Variants in SDR39U1 observed in about 807,000 individuals in gnomAD.
SDR39U1 encodes epimerase family protein SDR39U1.
SDR39U1 carries 29 observed loss-of-function variants against 31.7 expected under a neutral mutation model. The observed-to-expected ratio is 0.92, with a 90% confidence interval of 0.68 to 1.25. The LOEUF (loss-of-function observed/expected upper bound fraction) is 1.25, where lower values mean the gene tolerates loss of function less well. Among genes scored for constraint, SDR39U1 ranks in the 50% most tolerant of loss-of-function variants. The pLI is 0.00. For missense variants in SDR39U1, 403 were observed against 378.4 expected (o/e 1.06, Z -0.54); for synonymous variants, 147 against 159.0 (o/e 0.92, Z 0.57).
Position 24,440,941 on chromosome 14 carries a change from C to CA in SDR39U1, c.329-16dup. ...CTGGTAGTAAGCTGCCGGTGGAACA[C>CA]AATCATTTGCCCTGGGTGTCCTTGG... On this transcript the variant is annotated splice_polypyrimidine_tract_variant and intron_variant, in intron 4 of 5. Transcript: ENST00000399395. 2 of 1,613,962 alleles carry CA rather than the reference C, an allele frequency of 1.2e-6. No homozygotes were observed. Among genetic ancestry groups the CA allele is most frequent in the South Asian group, 1.1e-5 (1 of 91,072 alleles).
intron 4 of SDR39U1, chr14:24,441,417 A>G (rs2043335650): frequency 2.0e-6 from 1 of 499,688 alleles, no homozygotes. Context: ...CTAAAGAACT[A>G]TGGTGTGAGA....
chr14:24,440,972 C>A (rs761623076), intron 4 of SDR39U1, 46 bp from the exon 5 acceptor site: 7 of 1,611,890 alleles, frequency 4.3e-6, no homozygotes, highest in Admixed American at 3.3e-5. Flanking sequence ...CTTGGTCCTG[C>A]CTGGCTCTCT....
At chr14:24,442,133 C>T (rs1432266128) in intron 3 of SDR39U1, 45 bp downstream of exon 3, 3 of 1,587,792 alleles carry the variant, frequency 1.9e-6, no homozygotes, top group African/African-American at 2.7e-5. Context: ...GGGGCACTGT[C>T]CTCCCTGTGC....
chr14:24,441,021 T>G (rs1332059587), intron 4 of SDR39U1, 95 bp from the exon 5 acceptor site: 1 of 1,330,352 alleles, frequency 7.5e-7, no homozygotes, highest in Admixed American at 1.9e-5. Context: ...TCTCTGGCCC[T>G]TAGGATCTCC....
chr14:24,440,153 C>T lies in SDR39U1; in HGVS notation c.812G>A (p.Arg271Gln), dbSNP rs557782219. Residue 271 changes from arginine to glutamine, a missense_variant, in exon 6 of 6, where the codon CGA becomes CAA. Physicochemically the swap from Arg to Gln is conservative, Grantham distance 43 (BLOSUM62 1). Transcript: ENST00000399395. ...ATACTGGTAGCCAGTGGCCAGTGTT[C>T]GCTGTGGGATCACCTTCTGGCCCTC... ...LLEGQKVIPQRTLATGYQYSF... is the reference protein window; with the variant it reads ...LLEGQKVIPQQTLATGYQYSF... 2.2e-5 allele frequency: 36 copies of T among 1,613,660 alleles called. No homozygotes were observed. The highest frequency in any genetic ancestry group is 1.1e-4 in the East Asian group (5 of 44,866).
At chr14:24,441,330 A>G (rs2043332559) in intron 4 of SDR39U1, 1 of 450,144 alleles carries the variant, frequency 2.2e-6, no homozygotes, top group Admixed American at 4.1e-5. Flanking sequence ...TAATAAGCAT[A>G]AAACACTTCA....
At chr14:24,441,926 G>T in intron 3 of SDR39U1, 131 bp from the exon 4 acceptor site, 1 of 1,373,184 alleles carries the variant, frequency 7.3e-7, no homozygotes, top group Non-Finnish European at 1.0e-6. Flanking sequence ...AAGAGAAACA[G>T]TCAACGTCTC....
rs1164991748 is a variant in SDR39U1, at chr14:24,440,416, G to C, written c.549C>G (p.Ile183Met). 6.2e-7 allele frequency: 1 copy of C among 1,613,268 alleles called. No homozygotes were observed. Among genetic ancestry groups the C allele is most frequent in the East Asian group, 2.2e-5 (1 of 44,846 alleles). ...AGGGGAAGAATTGGTGGCCTGAGCC[G>C]ATGGGGCCCCCCAGGCCCAGGCGAA... ...LPFRLGLGGP[I>M]GSGHQFFPWI... Residue 183 changes from isoleucine to methionine, a missense_variant, in exon 6 of 6, where the codon ATC (isoleucine) becomes ATG (methionine). Ile to Met is a conservative substitution (Grantham distance 10). Transcript: ENST00000399395.
chr14:24,440,295 T>G lies in SDR39U1; in HGVS notation c.670A>C (p.Thr224Pro), dbSNP rs201366392. 1.2e-6 allele frequency: 2 copies of G among 1,613,944 alleles called. No homozygotes were observed. The highest frequency in any genetic ancestry group is 4.5e-5 in the East Asian group (2 of 44,878). ...VLNGVAPSSA[T>P]NAEFAQTLGA... is the part of the protein sequence containing the mutation. Reference sequence around the variant, plus strand: ...AAGGTCTGGGCAAACTCAGCATTAGTGGCGGAGGATGGAGCCACTCCATTC... The same window carrying G: ...AAGGTCTGGGCAAACTCAGCATTAGGGGCGGAGGATGGAGCCACTCCATTC... Residue 224 changes from threonine to proline, a missense_variant, in exon 6 of 6, where the codon ACT becomes CCT. Thr to Pro is a conservative substitution (Grantham distance 38). Coordinates refer to ENST00000399395, the MANE Select transcript of SDR39U1 (RefSeq NM_020195.3).
intron 5 of SDR39U1, 48 bp from the exon 6 acceptor site, chr14:24,440,540 G>A: frequency 1.3e-6 from 2 of 1,552,916 alleles, no homozygotes; most frequent in Non-Finnish European, 8.7e-7. Context: ...AGCCTTGAAG[G>A]AGCCCACTGC....
intron 1 of SDR39U1, 23 bp downstream of exon 1, chr14:24,442,731 T>C (rs1455093766): frequency 1.9e-6 from 3 of 1,613,604 alleles, no homozygotes; most frequent in Middle Eastern, 1.6e-4. Context: ...CGCCCAGCAC[T>C]CTCCCTTTCT....
Position 24,442,355 on chromosome 14 carries a change from C to T in SDR39U1, c.114G>A (p.Arg38=). Residue 38 remains arginine (R), a synonymous_variant, in exon 2 of 6, where the codon CGG becomes CGA. Coordinates refer to ENST00000399395, the MANE Select transcript of SDR39U1 (RefSeq NM_020195.3). ...TLVSRKPGPG[R]ITWDELAASG... is the part of the protein sequence containing the mutation. ...CAGAGGATGGACTTACCCACGTGAT[C>T]CGGCCGGGCCCGGGCTTTCGGGAGA... 1 of 1,610,684 alleles carries T rather than the reference C, an allele frequency of 6.2e-7. No individual in the cohort carries two copies. The highest frequency in any genetic ancestry group is 8.5e-7 in the Non-Finnish European group (1 of 1,178,542).
Position 24,439,955 on chromosome 14 carries a change from G to A in SDR39U1, c.*128C>T. 1 of 719,340 alleles carries A rather than the reference G, an allele frequency of 1.4e-6. No homozygotes were observed. The highest frequency in any genetic ancestry group is 2.2e-6 in the Non-Finnish European group (1 of 446,522). 44.6% of individuals were successfully genotyped at this position (719,340 alleles called of 1,614,324 possible). Reference sequence around the variant, plus strand: ...CAATAAGGTGGAGCAACAGAACAATGGGAAAGAGGACTGGGAGAGGAATCT... The same window carrying A: ...CAATAAGGTGGAGCAACAGAACAATAGGAAAGAGGACTGGGAGAGGAATCT... On this transcript the variant is annotated 3_prime_UTR_variant, in exon 6 of 6. Coordinates refer to ENST00000399395, the MANE Select transcript of SDR39U1 (RefSeq NM_020195.3).
chr14:24,440,907 C>A lies in SDR39U1; in HGVS notation c.348G>T (p.Leu116=). 6.2e-7 allele frequency: 1 copy of A among 1,614,050 alleles called. No homozygotes were observed. The highest frequency in any genetic ancestry group is 1.1e-5 in the South Asian group (1 of 91,076). Residue 116 remains leucine (L), a synonymous_variant, in exon 5 of 6, where the codon CTG becomes CTT. Coordinates refer to ENST00000399395, the MANE Select transcript of SDR39U1 (RefSeq NM_020195.3). ...GGCTGTCTTCATCATACTCCGCAGT[C>A]AGACTGGGCTGGTAGTAAGCTGCCG... The part of the protein sequence containing the change: ...VTGVAYYQPS[L]TAEYDEDSPG...
chr14:24,442,061 G>C (rs1284449479), intron 3 of SDR39U1, 117 bp downstream of exon 3: 2 of 1,546,298 alleles, frequency 1.3e-6, no homozygotes, highest in African/African-American at 2.7e-5. Context: ...AGTAGTCTGG[G>C]ATATCGGTTT....
chr14:24,442,154 A>G (rs755447168), intron 3 of SDR39U1, 24 bp downstream of exon 3: 7 of 1,603,416 alleles, frequency 4.4e-6, no homozygotes, highest in Non-Finnish European at 6.0e-6. Flanking sequence ...TCTAGTGGGT[A>G]TCAGCTTTAG....
At chr14:24,442,071 T>C (rs1232094070) in intron 3 of SDR39U1, 107 bp downstream of exon 3, 1 of 1,549,224 alleles carries the variant, frequency 6.5e-7, no homozygotes, top group African/African-American at 1.4e-5. Context: ...GATATCGGTT[T>C]AGTTCGGAAT....
rs200204966 is a variant in SDR39U1, at chr14:24,442,407, T to A, written c.62A>T (p.Asn21Ile). Residue 21 changes from asparagine (N) to isoleucine (I), a missense_variant, in exon 2 of 6, where the codon AAT becomes ATT. Transcript: ENST00000399395. ...CAACGTCACTTCGTGGCCTCTGGCA[T>A]TCAGCAGCTGGGTTAGGGCTGTCCC... ...FIGTALTQLLNARGHEVTLVS... is the reference protein window; with the variant it reads ...FIGTALTQLLIARGHEVTLVS... 3.7e-6 allele frequency: 6 copies of A among 1,611,504 alleles called. No homozygotes were observed. Among genetic ancestry groups the A allele is most frequent in the Non-Finnish European group, 5.1e-6 (6 of 1,178,794 alleles).
In SDR39U1 at chr14:24,440,305, T is replaced by C. The variant is rs747553486; in HGVS notation, c.660A>G (p.Pro220=). ...HVHGVLNGVA[P]SSATNAEFAQ... ...CAAACTCAGCATTAGTGGCGGAGGA[T>C]GGAGCCACTCCATTCAGGACCCCGT... Residue 220 remains proline (P), a synonymous_variant, in exon 6 of 6, where the codon CCA becomes CCG. Coordinates refer to ENST00000399395, the MANE Select transcript of SDR39U1 (RefSeq NM_020195.3). 4.3e-6 allele frequency: 7 copies of C among 1,613,872 alleles called. No homozygotes were observed. In the East Asian group the frequency reaches 8.9e-5, roughly 21 times the overall value.
Sources: allele counts gnomAD v4.1 joint callset, GRCh38; gene constraint gnomAD v4.1.1; transcripts MANE v1.5; gene names NCBI Gene and HGNC (gene_info 2026-07-23, HGNC 2026-07-21).